Variants in IL1RAPL2 observed in about 807,000 individuals in gnomAD.
IL1RAPL2 encodes the protein interleukin 1 receptor accessory protein like 2.
A neutral mutation model predicts 44.1 loss-of-function variants in IL1RAPL2; 3 were observed. The ratio of observed to expected loss-of-function variants is 0.07; its 90% CI spans 0.03 to 0.18. The LOEUF (loss-of-function observed/expected upper bound fraction) is 0.18. Ranked by LOEUF, IL1RAPL2 falls within the 10% of genes least tolerant of loss-of-function variation. The pLI is 1.00. For missense variants in IL1RAPL2, 391 were observed against 496.4 expected (o/e 0.79, Z 2.02); for synonymous variants, 181 against 178.8 (o/e 1.01, Z -0.10).
intron 6 of IL1RAPL2, among the ~76,000 whole-genome samples, chrX:105,565,442 A>G (rs866722958): frequency 8.9e-6 from 1 of 111,908 alleles, no homozygotes; most frequent in Admixed American, 9.5e-5. Flanking sequence ...TAATTTTTCT[A>G]TAAGCAACTA....
intron 5 of IL1RAPL2, among the ~76,000 whole-genome samples, chrX:105,469,304 A>G (rs1430530747): frequency 9.0e-6 from 1 of 110,596 alleles, no homozygotes; most frequent in Non-Finnish European, 1.9e-5. Context: ...TGAAAGGGGA[A>G]GAGCTTTTAG....
rs766855645 is a variant in IL1RAPL2 at position 105,717,504 on chromosome X, G to T, written c.902+8G>T. On this transcript the variant is annotated splice_region_variant and intron_variant, in intron 7 of 10. Transcript: ENST00000372582. Reference sequence around the variant, plus strand: ...TAGAGAAGGTGAAATAAGGTAGAGAGCTTGAATTGCTTATCTTTCTTTGCT... The same window carrying T: ...TAGAGAAGGTGAAATAAGGTAGAGATCTTGAATTGCTTATCTTTCTTTGCT... 1.4e-5 allele frequency: 16 copies of T among 1,183,703 alleles called. No homozygotes were observed. Among genetic ancestry groups the T allele is most frequent in the Non-Finnish European group, 1.7e-5 (15 of 880,028 alleles).
intron 2 of IL1RAPL2, among the ~76,000 whole-genome samples, chrX:104,901,059 A>G (rs2147673297): frequency 9.0e-6 from 1 of 110,934 alleles, no homozygotes; most frequent in Admixed American, 9.6e-5. Context: ...CCAAGTGAGA[A>G]CCACTTACTT....
chrX:104,628,805 G>A (rs1358705274), intron 1 of IL1RAPL2, among the ~76,000 whole-genome samples: 1 of 112,195 alleles, frequency 8.9e-6, no homozygotes, highest in Non-Finnish European at 1.9e-5. Context: ...AATTCTTTTT[G>A]TATGAATCTA....
At chrX:105,076,393 C>G (rs1280690569) in intron 2 of IL1RAPL2, among the ~76,000 whole-genome samples, 3 of 111,851 alleles carry the variant, frequency 2.7e-5, no homozygotes, top group Non-Finnish European at 5.6e-5. Context: ...TTTGATTGCA[C>G]TGTGGTCTGA....
chrX:104,807,843 T>G (rs1306023890), intron 2 of IL1RAPL2, among the ~76,000 whole-genome samples: 1 of 111,960 alleles, frequency 8.9e-6, no homozygotes. Flanking sequence ...ACTTTTCATT[T>G]TGTTCCATTT....
chrX:105,597,521 T>A (rs1009609342), intron 6 of IL1RAPL2, among the ~76,000 whole-genome samples: 8 of 111,000 alleles, frequency 7.2e-5, no homozygotes, highest in Non-Finnish European at 1.3e-4. Context: ...GGAGTAGGCA[T>A]GTCACATAGT....
chrX:105,764,460 A>G (rs2038713120), intron 10 of IL1RAPL2, among the ~76,000 whole-genome samples: 1 of 111,904 alleles, frequency 8.9e-6, no homozygotes, highest in African/African-American at 3.3e-5. Flanking sequence ...AGTTTCTCTT[A>G]TAAGTGTGGA....
At chrX:104,720,951 GAGAAGAGCAA>G (rs1306786464) in intron 2 of IL1RAPL2, among the ~76,000 whole-genome samples, 1 of 111,422 alleles carries the variant, frequency 9.0e-6, no homozygotes, top group African/African-American at 3.3e-5. Context: ...CTGATCATTA[GAGAAGAGCAA>G]ATCAAAACCA....
At chrX:104,983,407 CATAAT>C (rs1285389184) in intron 2 of IL1RAPL2, among the ~76,000 whole-genome samples, 17 of 85,176 alleles carry the variant, frequency 2.0e-4, no homozygotes, top group African/African-American at 7.2e-4. Context: ...ATATTAGATA[CATAAT>C]ATAATATTAG....
At chrX:105,738,786 G>A (rs1200925229) in intron 7 of IL1RAPL2, among the ~76,000 whole-genome samples, 1 of 110,682 alleles carries the variant, frequency 9.0e-6, no homozygotes, top group African/African-American at 3.3e-5. Flanking sequence ...AAGCAATTCA[G>A]CCCCTCTGCA....
At chrX:105,637,706 A>G (rs1345723449) in intron 6 of IL1RAPL2, among the ~76,000 whole-genome samples, 3 of 110,119 alleles carry the variant, frequency 2.7e-5, no homozygotes, top group Non-Finnish European at 5.7e-5. Context: ...AGCAAATGAG[A>G]ATAACCATAC....
At chrX:105,149,468 GTAA>G (rs1441256475) in intron 2 of IL1RAPL2, among the ~76,000 whole-genome samples, 1 of 111,695 alleles carries the variant, frequency 9.0e-6, no homozygotes, top group African/African-American at 3.3e-5. Context: ...AGTAGGGGTA[GTAA>G]TAATAGTACC....
chrX:104,964,348 A>G (rs1270987645), intron 2 of IL1RAPL2, among the ~76,000 whole-genome samples: 10 of 108,239 alleles, frequency 9.2e-5, no homozygotes, highest in South Asian at 8.1e-4. Context: ...GTCTCGCTCT[A>G]TTGCTCAGGC....
At chrX:105,075,164 T>C (rs1756907432) in intron 2 of IL1RAPL2, among the ~76,000 whole-genome samples, 1 of 111,539 alleles carries the variant, frequency 9.0e-6, no homozygotes, top group African/African-American at 3.3e-5. Context: ...TTCAGTATGA[T>C]ATTGGCTGTG....
intron 1 of IL1RAPL2, among the ~76,000 whole-genome samples, chrX:104,580,186 C>A (rs1417240245): frequency 8.9e-6 from 1 of 112,104 alleles, no homozygotes; most frequent in Non-Finnish European, 1.9e-5. Context: ...GTTGTCCTGC[C>A]ATTGGTCCAT....
In IL1RAPL2 at chrX:105,622,374, C is replaced by T. The variant is rs778096671; in HGVS notation, c.773-94993C>T. Among the ~76,000 whole-genome samples, 10 of 109,832 alleles carry T rather than the reference C, an allele frequency of 9.1e-5. No homozygotes were observed. The South Asian group carries it at 3.5e-3, about 39-fold the overall frequency. On this transcript the variant is annotated intron_variant, in intron 6 of 10. Transcript: ENST00000372582. The stretch of plus-strand genomic sequence containing the variant: ...AGTTCAGCCAAACATCATGTCCTGT[C>T]GGCAAGTGTACATCTAAGTACATAG...
chrX:105,211,512 T>C lies in IL1RAPL2; in HGVS notation c.356+15764T>C, dbSNP rs782015904. 3.6e-5 allele frequency among the ~76,000 whole-genome samples: 4 copies of C among 111,441 alleles called. No homozygotes were observed. In the South Asian group the frequency reaches 1.2e-3, roughly 32 times the overall value. ...TGATATAACTCACTCAGATCATGAA[T>C]GAACTTTCTATCCAGTTCATTCCTA... is the stretch of plus-strand genomic sequence containing the variant. On this transcript the variant is annotated intron_variant, in intron 3 of 10. Coordinates refer to ENST00000372582, the MANE Select transcript of IL1RAPL2 (RefSeq NM_017416.2).
intron 5 of IL1RAPL2, among the ~76,000 whole-genome samples, chrX:105,289,048 A>G (rs1311741266): frequency 9.0e-6 from 1 of 110,683 alleles, no homozygotes; most frequent in Non-Finnish European, 1.9e-5. Context: ...CTACGTTACC[A>G]TTATGTATTG....
Sources: allele counts gnomAD v4.1 joint callset (sites outside exome capture counted in the v4.1 genomes callset), GRCh38; gene constraint gnomAD v4.1.1; transcripts MANE v1.5; gene names NCBI Gene and HGNC (gene_info 2026-07-23, HGNC 2026-07-21).